TECRL: variants seen among roughly 807,000 people sequenced by gnomAD.
TECRL encodes trans-2,3-enoyl-CoA reductase-like.
A neutral mutation model predicts 52.8 loss-of-function variants in TECRL; 63 were observed. The ratio of observed to expected loss-of-function variants is 1.19; its 90% CI spans 0.97 to 1.47. The LOEUF (loss-of-function observed/expected upper bound fraction) is 1.47. TECRL is among the 40% of genes most tolerant of loss of function. TECRL has a pLI of 0.00. For synonymous variants in TECRL, 164 were observed against 141.9 expected (o/e 1.16, Z -1.10); for missense variants, 482 against 429.6 (o/e 1.12, Z -1.08).
chr4:64,390,007 A>G (rs900351506), intron 1 of TECRL, among the ~76,000 whole-genome samples: 66 of 151,808 alleles, frequency 4.3e-4, no homozygotes, highest in Admixed American at 4.1e-3. Context: ...AAATGTTCAT[A>G]TACCTGGGAG....
intron 2 of TECRL, 67 bp from the exon 3 acceptor site, chr4:64,328,623 T>G: frequency 7.3e-7 from 1 of 1,371,280 alleles, no homozygotes; most frequent in Non-Finnish European, 1.0e-6. Context: ...AACTAACTGT[T>G]TCCATGGGAA....
chr4:64,312,514 C>T (rs1185338027), intron 5 of TECRL, among the ~76,000 whole-genome samples: 3 of 152,124 alleles, frequency 2.0e-5, no homozygotes, highest in Non-Finnish European at 2.9e-5. Context: ...ATAATCCAGG[C>T]ACTTTGCGAG....
intron 2 of TECRL, among the ~76,000 whole-genome samples, chr4:64,361,624 C>T (rs1301088636): frequency 2.6e-5 from 4 of 152,080 alleles, no homozygotes; most frequent in Non-Finnish European, 4.4e-5. Flanking sequence ...TGCCTGAAAG[C>T]AACCAGAAAG....
intron 4 of TECRL, among the ~76,000 whole-genome samples, chr4:64,316,352 T>C (rs1282438806): frequency 6.6e-6 from 1 of 152,112 alleles, no homozygotes; most frequent in East Asian, 1.9e-4. Flanking sequence ...AAATATGTTT[T>C]AGAAGGCTTA....
chr4:64,314,778 T>C lies in TECRL; in HGVS notation c.436-15A>G. ...GCCAAAAACACCTGAAAATAAAACA[T>C]GATTTAGATTAAACGATAAAAATAG... On this transcript the variant is annotated splice_polypyrimidine_tract_variant and intron_variant, in intron 4 of 11. Coordinates refer to ENST00000381210, the MANE Select transcript of TECRL (RefSeq NM_001010874.5). 6.5e-7 allele frequency: 1 copy of C among 1,527,540 alleles called. No individual in the cohort carries two copies. Among genetic ancestry groups the C allele is most frequent in the Admixed American group, 1.7e-5 (1 of 59,840 alleles). 94.6% of individuals were successfully genotyped at this position (1,527,540 alleles called of 1,614,324 possible). A position where few individuals can be genotyped will look rare whatever the true frequency, so the allele number is the denominator to read the frequency against.
intron 9 of TECRL, among the ~76,000 whole-genome samples, chr4:64,284,593 C>T (rs1220372080): frequency 1.3e-5 from 2 of 152,018 alleles, no homozygotes; most frequent in African/African-American, 4.8e-5. Context: ...AAGGACCCTT[C>T]CTCACACCAC....
At chr4:64,325,804 G>A (rs1420824796) in intron 3 of TECRL, among the ~76,000 whole-genome samples, 3 of 152,048 alleles carry the variant, frequency 2.0e-5, no homozygotes, top group Non-Finnish European at 4.4e-5. Context: ...CAACTTCAAA[G>A]AACAGATCAT....
intron 2 of TECRL, among the ~76,000 whole-genome samples, chr4:64,345,576 G>A (rs1719895523): frequency 6.7e-6 from 1 of 149,328 alleles, no homozygotes; most frequent in Admixed American, 6.7e-5. Context: ...GGGAGGGATA[G>A]CATTAGGAGA....
At chr4:64,380,013 T>G (rs1560543577) in intron 1 of TECRL, among the ~76,000 whole-genome samples, 1 of 152,258 alleles carries the variant, frequency 6.6e-6, no homozygotes, top group African/African-American at 2.4e-5. Flanking sequence ...TCATTTCCAC[T>G]GATAGTGTAT....
At chr4:64,346,418 T>A (rs1719989577) in intron 2 of TECRL, among the ~76,000 whole-genome samples, 1 of 152,244 alleles carries the variant, frequency 6.6e-6, no homozygotes, top group South Asian at 2.1e-4. Context: ...TGTCTAGACA[T>A]CCGGGGGTTT....
chr4:64,390,933 A>G (rs936383211), intron 1 of TECRL, among the ~76,000 whole-genome samples: 3 of 151,902 alleles, frequency 2.0e-5, no homozygotes, highest in Non-Finnish European at 4.4e-5. Flanking sequence ...TAGAAAGTTC[A>G]TATCACTAAT....
intron 5 of TECRL, among the ~76,000 whole-genome samples, chr4:64,312,284 T>C (rs1210585395): frequency 1.3e-5 from 2 of 152,186 alleles, no homozygotes; most frequent in Non-Finnish European, 2.9e-5. Flanking sequence ...AGAAGCCCTG[T>C]GATTATTTTC....
At chr4:64,366,003 T>G (rs1721575238) in intron 2 of TECRL, among the ~76,000 whole-genome samples, 1 of 151,846 alleles carries the variant, frequency 6.6e-6, no homozygotes, top group Non-Finnish European at 1.5e-5. Flanking sequence ...GCAATAGTAA[T>G]CAAAACAGTA....
At chr4:64,299,043 A>G (rs1203133067) in intron 8 of TECRL, 1 of 151,206 alleles carries the variant, frequency 6.6e-6, no homozygotes, top group Non-Finnish European at 1.5e-5. Context: ...TACATAAATA[A>G]TCTGTGCTAT....
At chr4:64,337,382 T>G (rs1719179254) in intron 2 of TECRL, among the ~76,000 whole-genome samples, 1 of 152,146 alleles carries the variant, frequency 6.6e-6, no homozygotes, top group African/African-American at 2.4e-5. Context: ...AGGAATGCCC[T>G]CTCTCACCAC....
intron 2 of TECRL, among the ~76,000 whole-genome samples, chr4:64,338,537 A>G (rs905646200): frequency 6.6e-6 from 1 of 152,350 alleles, no homozygotes; most frequent in Middle Eastern, 3.4e-3. Flanking sequence ...TGCTCATCTG[A>G]CAAAGGGCTT....
intron 2 of TECRL, among the ~76,000 whole-genome samples, chr4:64,347,818 A>G (rs1577913231): frequency 1.3e-5 from 2 of 152,294 alleles, no homozygotes; most frequent in East Asian, 3.9e-4. Flanking sequence ...GTTGGGACAC[A>G]GAGCCAAACC....
At chr4:64,356,408 C>T (rs1720775692) in intron 2 of TECRL, among the ~76,000 whole-genome samples, 1 of 152,092 alleles carries the variant, frequency 6.6e-6, no homozygotes, top group Non-Finnish European at 1.5e-5. Flanking sequence ...CGGTATAAAA[C>T]CTGATTGTAC....
intron 9 of TECRL, among the ~76,000 whole-genome samples, chr4:64,282,727 C>G (rs1722888668): frequency 6.6e-6 from 1 of 151,764 alleles, no homozygotes; most frequent in Admixed American, 6.6e-5. Flanking sequence ...TTTTCCAGAC[C>G]TAGTTTGTCG....
Sources: gnomAD v4.1 joint callset for allele counts (sites outside exome capture counted in the v4.1 genomes callset) on GRCh38, gnomAD v4.1.1 for gene constraint, MANE v1.5 for transcripts, NCBI Gene and HGNC (gene_info 2026-07-23, HGNC 2026-07-21) for gene names.